PSD3: variants seen among roughly 807,000 people sequenced by gnomAD.
PSD3 encodes PH and SEC7 domain-containing protein 3.
In PSD3, 49 loss-of-function variants were observed where a neutral mutation model predicts 105.5. The ratio of observed to expected loss-of-function variants is 0.46; its 90% CI spans 0.37 to 0.59. PSD3 has a LOEUF of 0.59. Among genes scored for constraint, PSD3 ranks in the 20% least tolerant of loss-of-function variants. PSD3 has a pLI of 0.00. For missense variants in PSD3, 1,561 were observed against 1,263.8 expected, an observed-to-expected ratio of 1.24 and a Z score of -3.57; for synonymous variants, 557 against 457.8, an observed-to-expected ratio of 1.22 and a Z score of -2.77.
chr8:18,900,643 C>CT (rs34004085), intron 2 of PSD3, among the ~76,000 whole-genome samples: 9,641 of 83,834 alleles, frequency 0.12, 325 homozygotes, highest in East Asian at 0.23. Context: ...AGAGACAACT[C>CT]TTTTTTTTTT....
At chr8:18,589,787 C>A (rs1803460881) in intron 12 of PSD3, among the ~76,000 whole-genome samples, 1 of 152,082 alleles carries the variant, frequency 6.6e-6, no homozygotes, top group Non-Finnish European at 1.5e-5. Context: ...AAAGAAAAGA[C>A]AAAGAAACTC....
chr8:19,061,338 T>A (rs1452865393), intron 1 of PSD3, among the ~76,000 whole-genome samples: 3 of 151,998 alleles, frequency 2.0e-5, no homozygotes, highest in African/African-American at 7.3e-5. Context: ...TAAAAAAGGA[T>A]ATAGTGAAAA....
At chr8:18,739,652 AAAAT>A (rs1371663149) in intron 9 of PSD3, among the ~76,000 whole-genome samples, 3 of 152,210 alleles carry the variant, frequency 2.0e-5, no homozygotes. Flanking sequence ...TAGTAGCAAA[AAAAT>A]AAACCACATT....
chr8:18,564,100 G>GT (rs1477751404), intron 14 of PSD3, among the ~76,000 whole-genome samples: 9 of 124,198 alleles, frequency 7.2e-5, no homozygotes, highest in Non-Finnish European at 1.2e-4. Context: ...AAAATTTAAA[G>GT]TTTTCTTCTT....
At chr8:18,912,341 C>G (rs1013449987) in intron 2 of PSD3, among the ~76,000 whole-genome samples, 1 of 152,172 alleles carries the variant, frequency 6.6e-6, no homozygotes, top group Non-Finnish European at 1.5e-5. Context: ...AACAGCGCTT[C>G]ACAATGTTAA....
intron 4 of PSD3, among the ~76,000 whole-genome samples, chr8:18,841,403 T>C (rs1461695204): frequency 6.6e-6 from 1 of 152,128 alleles, no homozygotes; most frequent in African/African-American, 2.4e-5. Context: ...AGCTCTACTT[T>C]CAAACAGCTG....
intron 4 of PSD3, chr8:18,854,026 CTACAAT>C (rs56077927): frequency 0.59 from 89,477 of 151,208 alleles, 27,192 homozygotes; most frequent in East Asian, 0.94. Context: ...AAGGAAGTTT[CTACAAT>C]TACAATTATA....
intron 1 of PSD3, among the ~76,000 whole-genome samples, chr8:19,035,028 T>G (rs984889425): frequency 6.6e-6 from 1 of 152,132 alleles, no homozygotes; most frequent in Non-Finnish European, 1.5e-5. Context: ...AGATAAGATA[T>G]GAACAGAGTA....
In PSD3 at chr8:19,061,315, T is replaced by A. The variant is rs547318657; in HGVS notation, c.324+22891A>T. On this transcript the variant is annotated intron_variant, in intron 1 of 1. Transcript: ENST00000521475. ...TATAATTAGAGAATAAAAATAAAAA[T>A]ATTTTGGGAAATTAAAAAAGGATAT... 2.0e-5 allele frequency among the ~76,000 whole-genome samples: 3 copies of A among 152,144 alleles called. No homozygotes were observed. In the East Asian group the frequency reaches 5.8e-4, roughly 29 times the overall value.
At chr8:18,738,823 GA>G (rs527706318) in intron 9 of PSD3, among the ~76,000 whole-genome samples, 16 of 148,628 alleles carry the variant, frequency 1.1e-4, no homozygotes, top group African/African-American at 3.8e-4. Context: ...CACCCGCTCC[GA>G]AAAAAAAAAA....
At chr8:18,938,197 G>C (rs1822279494) in intron 1 of PSD3, among the ~76,000 whole-genome samples, 1 of 152,212 alleles carries the variant, frequency 6.6e-6, no homozygotes. Flanking sequence ...AGTGAGACAA[G>C]AAGCAGCAGA....
intron 1 of PSD3, among the ~76,000 whole-genome samples, chr8:18,967,160 A>T (rs916288910): frequency 7.8e-4 from 115 of 147,426 alleles, no homozygotes; most frequent in African/African-American, 2.7e-3. Flanking sequence ...TTCTTTATTT[A>T]TTTTTTTTTT....
At chr8:18,752,554 A>ACATAT (rs60557005) in intron 9 of PSD3, among the ~76,000 whole-genome samples, 7 of 19,678 alleles carry the variant, frequency 3.6e-4, no homozygotes, top group African/African-American at 8.6e-4. Context: ...TATTATATAT[A>ACATAT]ATTATATATA....
intron 1 of PSD3, among the ~76,000 whole-genome samples, chr8:18,961,467 T>C (rs994863879): frequency 6.6e-6 from 1 of 152,130 alleles, no homozygotes; most frequent in Non-Finnish European, 1.5e-5. Context: ...GGCGGGCGGA[T>C]CATCTAAGGT....
intron 10 of PSD3, among the ~76,000 whole-genome samples, chr8:18,647,625 T>C (rs1299651580): frequency 6.7e-6 from 1 of 148,414 alleles, no homozygotes; most frequent in Non-Finnish European, 1.5e-5. Context: ...TTTTTTTGGC[T>C]GACTTTATTA....
At chr8:18,927,100 G>A (rs1161218846) in intron 2 of PSD3, among the ~76,000 whole-genome samples, 1 of 152,142 alleles carries the variant, frequency 6.6e-6, no homozygotes, top group East Asian at 1.9e-4. Context: ...GATGCATATG[G>A]TATGTATGGG....
intron 1 of PSD3, among the ~76,000 whole-genome samples, chr8:19,081,742 T>C (rs566148644): frequency 2.6e-5 from 4 of 152,324 alleles, no homozygotes; most frequent in African/African-American, 9.6e-5. Flanking sequence ...CTATGGAGCC[T>C]GTGATGTTTC....
chr8:18,743,706 G>T (rs571116050), intron 9 of PSD3, among the ~76,000 whole-genome samples: 1 of 151,474 alleles, frequency 6.6e-6, no homozygotes, highest in Non-Finnish European at 1.5e-5. Flanking sequence ...GGGAGGCCGA[G>T]GGGGAAGATT....
At chr8:18,927,103 T>C (rs1249733538) in intron 2 of PSD3, among the ~76,000 whole-genome samples, 4 of 152,150 alleles carry the variant, frequency 2.6e-5, no homozygotes, top group Admixed American at 6.5e-5. Flanking sequence ...GCATATGGTA[T>C]GTATGGGAAA....
Sources: allele counts gnomAD v4.1 joint callset (sites outside exome capture counted in the v4.1 genomes callset), GRCh38; gene constraint gnomAD v4.1.1; transcripts MANE v1.5; gene names NCBI Gene and HGNC (gene_info 2026-07-23, HGNC 2026-07-21).